Variants in LRRC72 observed in about 807,000 individuals in gnomAD.
The protein encoded by LRRC72 is leucine-rich repeat-containing protein 72.
A neutral mutation model predicts 35.8 loss-of-function variants in LRRC72; 41 were observed. The ratio of observed to expected loss-of-function variants is 1.15; its 90% CI spans 0.89 to 1.49. LRRC72 has a LOEUF of 1.49. Ranked by LOEUF, LRRC72 falls within the 40% of genes most tolerant of loss-of-function variation. LRRC72 has a pLI of 0.00. For missense variants in LRRC72, 389 were observed against 330.7 expected, an observed-to-expected ratio of 1.18 and a Z score of -1.37; for synonymous variants, 118 against 119.2, an observed-to-expected ratio of 0.99 and a Z score of 0.07.
intron 3 of LRRC72, among the ~76,000 whole-genome samples, chr7:16,547,062 C>CGCA (rs1315021122): frequency 6.6e-6 from 1 of 152,170 alleles, no homozygotes; most frequent in African/African-American, 2.4e-5. Context: ...CCTCCACCCT[C>CGCA]GCACAGCCAG....
chr7:16,580,892 T>C (rs1783131222), intron 8 of LRRC72, among the ~76,000 whole-genome samples: 1 of 152,214 alleles, frequency 6.6e-6, no homozygotes, highest in South Asian at 2.1e-4. Context: ...TCACTTAAGA[T>C]GTTTTTCTTT....
At chr7:16,533,103 T>C (rs188718263) in intron 2 of LRRC72, among the ~76,000 whole-genome samples, 245 of 152,240 alleles carry the variant, frequency 1.6e-3, no homozygotes, top group Non-Finnish European at 3.0e-3. Flanking sequence ...TCAAAGTTAC[T>C]GGTACACAGC....
chr7:16,536,392 G>T (rs1300163725), intron 2 of LRRC72, among the ~76,000 whole-genome samples: 3 of 151,858 alleles, frequency 2.0e-5, no homozygotes, highest in Non-Finnish European at 4.4e-5. Context: ...TGTGAGGATG[G>T]TATGGTGGTT....
chr7:16,533,556 T>C (rs1782203868), intron 2 of LRRC72, among the ~76,000 whole-genome samples: 1 of 152,160 alleles, frequency 6.6e-6, no homozygotes, highest in Admixed American at 6.5e-5. Flanking sequence ...TCATATGTAA[T>C]CTTTGGAACT....
intron 3 of LRRC72, among the ~76,000 whole-genome samples, chr7:16,539,592 T>C (rs996753253): frequency 3.9e-5 from 6 of 152,222 alleles, no homozygotes; most frequent in African/African-American, 1.4e-4. Context: ...CAAATGTTAA[T>C]AGCCAAGACA....
intron 8 of LRRC72, among the ~76,000 whole-genome samples, chr7:16,580,777 T>C (rs1008169515): frequency 6.6e-6 from 1 of 152,224 alleles, no homozygotes; most frequent in Non-Finnish European, 1.5e-5. Flanking sequence ...TTTATATTCA[T>C]TGGAATTTAC....
intron 3 of LRRC72, among the ~76,000 whole-genome samples, chr7:16,549,258 A>C (rs971125814): frequency 3.3e-5 from 5 of 152,218 alleles, no homozygotes; most frequent in Admixed American, 2.0e-4. Flanking sequence ...ATTTCTTTGC[A>C]TGAGTACTAG....
rs148636226 is a variant in LRRC72, at chr7:16,555,182, C to A, written c.235-2178C>A. The stretch of plus-strand genomic sequence containing the variant: ...TTTGGTGAAATTACTAATGGTCTTC[C>A]AGGAGGAGTGCTGGCATAATTTGGT... On this transcript the variant is annotated intron_variant, in intron 3 of 8. Transcript: ENST00000401542. Among the ~76,000 whole-genome samples, 1,334 of 152,258 alleles carry A rather than the reference C, an allele frequency of 8.8e-3. 25 individuals are homozygous for A. The highest frequency in any genetic ancestry group is 0.03 in the African/African-American group (1,237 of 41,522).
intron 7 of LRRC72, among the ~76,000 whole-genome samples, chr7:16,572,526 C>G (rs994349672): frequency 1.3e-5 from 2 of 152,150 alleles, no homozygotes; most frequent in Admixed American, 1.3e-4. Flanking sequence ...TGTAATCCAT[C>G]GCATAAACAG....
intron 7 of LRRC72, among the ~76,000 whole-genome samples, chr7:16,574,743 C>A (rs1417532044): frequency 1.3e-5 from 2 of 151,842 alleles, no homozygotes; most frequent in Non-Finnish European, 2.9e-5. Flanking sequence ...CACATGTGTA[C>A]CTATGTAACA....
At chr7:16,532,365 G>T in intron 1 of LRRC72, 130 bp from the exon 2 acceptor site, 1 of 653,336 alleles carries the variant, frequency 1.5e-6, no homozygotes, top group Non-Finnish European at 2.7e-6. Flanking sequence ...GAATTTATCA[G>T]TTTAGAATGG....
chr7:16,537,892 C>T (rs980781570), intron 3 of LRRC72, among the ~76,000 whole-genome samples, 196 bp downstream of exon 3: 3 of 152,048 alleles, frequency 2.0e-5, no homozygotes, highest in African/African-American at 7.3e-5. Flanking sequence ...ACATGAGATA[C>T]ATTGAATAAG....
intron 3 of LRRC72, among the ~76,000 whole-genome samples, chr7:16,551,684 G>T (rs1437797290): frequency 2.0e-5 from 3 of 152,142 alleles, no homozygotes; most frequent in African/African-American, 7.2e-5. Flanking sequence ...GTACCCGGGG[G>T]GAGGGCATGG....
At chr7:16,534,549 A>C (rs1019086931) in intron 2 of LRRC72, among the ~76,000 whole-genome samples, 39 of 152,208 alleles carry the variant, frequency 2.6e-4, no homozygotes, top group African/African-American at 8.9e-4. Context: ...AATGACAGTA[A>C]CTTGACACAG....
intron 7 of LRRC72, among the ~76,000 whole-genome samples, chr7:16,574,168 G>T (rs1562754403): frequency 6.6e-6 from 1 of 152,226 alleles, no homozygotes. Flanking sequence ...TGGAGAGGAT[G>T]TGGAGAAATA....
intron 8 of LRRC72, among the ~76,000 whole-genome samples, chr7:16,580,432 C>A (rs1783120624): frequency 6.6e-6 from 1 of 152,172 alleles, no homozygotes; most frequent in Non-Finnish European, 1.5e-5. Context: ...CACCTCAGGT[C>A]AGGAGTTCGA....
chr7:16,573,505 C>T (rs1022622438), intron 7 of LRRC72, among the ~76,000 whole-genome samples: 1 of 152,192 alleles, frequency 6.6e-6, no homozygotes, highest in Non-Finnish European at 1.5e-5. Flanking sequence ...TGCCACACAT[C>T]TACAACCATC....
chr7:16,533,329 T>C (rs1332125819), intron 2 of LRRC72, among the ~76,000 whole-genome samples: 1 of 152,078 alleles, frequency 6.6e-6, no homozygotes, highest in Non-Finnish European at 1.5e-5. Context: ...GGTTTTTCTA[T>C]AGAGTAGAAT....
At chr7:16,574,318 T>C (rs1783000182) in intron 7 of LRRC72, among the ~76,000 whole-genome samples, 1 of 152,242 alleles carries the variant, frequency 6.6e-6, no homozygotes, top group African/African-American at 2.4e-5. Flanking sequence ...CAAAGGATTA[T>C]AAATCATTCT....
Sources: gnomAD v4.1 joint callset for allele counts (sites outside exome capture counted in the v4.1 genomes callset) on GRCh38, gnomAD v4.1.1 for gene constraint, MANE v1.5 for transcripts, NCBI Gene and HGNC (gene_info 2026-07-23, HGNC 2026-07-21) for gene names.